Variants in DHX33 observed in about 807,000 individuals in gnomAD.
DHX33 encodes ATP-dependent RNA helicase DHX33.
In DHX33, 42 loss-of-function variants were observed where a neutral mutation model predicts 72.5. That is an observed-to-expected ratio of 0.58 (90% CI 0.45 to 0.75). DHX33 has a LOEUF of 0.75. Ranked by LOEUF, DHX33 falls within the 30% of genes least tolerant of loss-of-function variation. The pLI is 0.00. For synonymous variants in DHX33, 358 were observed against 366.1 expected, an observed-to-expected ratio of 0.98 and a Z score of 0.25; for missense variants, 842 against 917.5, an observed-to-expected ratio of 0.92 and a Z score of 1.06.
At chr17:5,450,542 A>G in intron 9 of DHX33, 136 bp from the exon 10 acceptor site, 2 of 1,003,488 alleles carry the variant, frequency 2.0e-6, no homozygotes, top group Non-Finnish European at 2.9e-6. Context: ...GGCGATGTAC[A>G]TTAGTGTTAT....
intron 1 of DHX33, among the ~76,000 whole-genome samples, chr17:5,467,450 AG>A (rs1904924345): frequency 6.6e-6 from 1 of 152,118 alleles, no homozygotes; most frequent in African/African-American, 2.4e-5. Flanking sequence ...ATCTTGGACA[AG>A]CCCCTCATTC....
In DHX33 at chr17:5,450,843, C is replaced by T; in HGVS notation, c.1488G>A (p.Lys496=). 1.2e-6 allele frequency: 2 copies of T among 1,614,184 alleles called. No individual in the cohort carries two copies. Among genetic ancestry groups the T allele is most frequent in the Non-Finnish European group, 1.7e-6 (2 of 1,180,030 alleles). ...TGGGTTCTAAAGGAAATGCTGCCAT[C>T]TTTCTTCCCATTGGAGTCAGGGTAA... is the stretch of plus-strand genomic sequence containing the variant. ...DQLTLTPMGR[K]MAAFPLEPKF... Residue 496 remains lysine (K), a synonymous_variant, in exon 9 of 12, where the codon AAG becomes AAA. Coordinates refer to ENST00000225296, the MANE Select transcript of DHX33 (RefSeq NM_020162.4).
At chr17:5,460,909 C>A in intron 4 of DHX33, 30 bp downstream of exon 4, 1 of 1,590,300 alleles carries the variant, frequency 6.3e-7, no homozygotes, top group Non-Finnish European at 8.6e-7. Flanking sequence ...TAAAAGAGAA[C>A]TTTTCAGGAA....
chr17:5,445,236 G>A lies in DHX33; in HGVS notation c.1816-723C>T, dbSNP rs565583152. Among the ~76,000 whole-genome samples, 13 of 152,180 alleles carry A rather than the reference G, an allele frequency of 8.5e-5. No homozygotes were observed. The East Asian group carries it at 2.3e-3, about 27-fold the overall frequency. ...TGGGATTACAGGCGCCTGCCACCAC[G>A]CCTGGCTAATTTTTGTATTTTTAGT... is the stretch of plus-strand genomic sequence containing the variant. On this transcript the variant is annotated intron_variant, in intron 11 of 11. Transcript: ENST00000225296.
In DHX33 at chr17:5,468,688, G is replaced by A; in HGVS notation, c.172C>T (p.Pro58Ser). ...GCTTCAGGGTAGGGACTGGCCGAGGGCTGGGCCAGGGGCGGCTGCTGCCTC... is the reference window on the plus strand; with the variant it reads ...GCTTCAGGGTAGGGACTGGCCGAGGACTGGGCCAGGGGCGGCTGCTGCCTC... ...GRRQQPPLAQ[P>S]SASPYPEAVE... is the part of the protein sequence containing the mutation. The change falls in exon 1 of 12, where the codon CCC becomes TCC. Residue 58 changes from proline (P) to serine (S), a missense_variant. Coordinates refer to ENST00000225296, the MANE Select transcript of DHX33 (RefSeq NM_020162.4). The A allele has an allele frequency of 6.2e-7, 1 of 1,612,176 alleles. No homozygotes were observed. The highest frequency in any genetic ancestry group is 8.5e-7 in the Non-Finnish European group (1 of 1,179,574).
Position 5,450,811 on chromosome 17 carries a change from G to A in DHX33, c.1520C>T (p.Ala507Val). The A allele has an allele frequency of 6.2e-7, 1 of 1,614,138 alleles. No individual in the cohort carries two copies. The highest frequency in any genetic ancestry group is 8.5e-7 in the Non-Finnish European group (1 of 1,180,026). The stretch of plus-strand genomic sequence containing the variant: ...TGAGGAGAGGGTATCATTTACTTTG[G>A]CAAATTTGGGTTCTAAAGGAAATGC... ...MAAFPLEPKF[A>V]KTILMSPKFH... Residue 507 changes from alanine to valine, a missense_variant, in exon 9 of 12, where the codon GCC becomes GTC. Transcript: ENST00000225296.
At chr17:5,455,019 G>A in intron 6 of DHX33, 141 bp downstream of exon 6, 2 of 724,950 alleles carry the variant, frequency 2.8e-6, no homozygotes, top group Non-Finnish European at 4.8e-6. Context: ...GACCTGGAGT[G>A]TAGGTGATCT....
At chr17:5,464,985 T>C (rs1473806085) in intron 1 of DHX33, among the ~76,000 whole-genome samples, 1 of 152,232 alleles carries the variant, frequency 6.6e-6, no homozygotes, top group African/African-American at 2.4e-5. Flanking sequence ...CTGACCATCC[T>C]GTGTTGTACA....
intron 1 of DHX33, among the ~76,000 whole-genome samples, chr17:5,465,149 T>C (rs929416988): frequency 2.0e-5 from 3 of 152,210 alleles, no homozygotes; most frequent in Non-Finnish European, 2.9e-5. Flanking sequence ...CCTTTAACAG[T>C]GCCTGATTAG....
chr17:5,461,034 C>G lies in DHX33; in HGVS notation c.754G>C (p.Glu252Gln). 6.2e-7 allele frequency: 1 copy of G among 1,613,414 alleles called. No individual in the cohort carries two copies. Among genetic ancestry groups the G allele is most frequent in the South Asian group, 1.1e-5 (1 of 90,966 alleles). ...ACCTGGATCGGATGCTGCCGACCCT[C>G]TAGGTAGAGGACGGGGGCGCCATTG... is the stretch of plus-strand genomic sequence containing the variant. The part of the protein sequence containing the change: ...YFNGAPVLYL[E>Q]GRQHPIQVFY... Residue 252 changes from glutamate to glutamine, a missense_variant, in exon 4 of 12, where the codon GAG becomes CAG. Transcript: ENST00000225296.
At chr17:5,450,461 G>T in intron 9 of DHX33, 55 bp from the exon 10 acceptor site, 1 of 1,571,176 alleles carries the variant, frequency 6.4e-7, no homozygotes, top group Non-Finnish European at 8.7e-7. Context: ...GCTTTAGAAT[G>T]CACTATTTCT....
chr17:5,461,118 G>T lies in DHX33; in HGVS notation c.679-9C>A. Reference sequence around the variant, plus strand: ...GCTGACATCACAATCACCTGCATAAGAGAACGAAGAGGAGGACCAGAAACA... The same window carrying T: ...GCTGACATCACAATCACCTGCATAATAGAACGAAGAGGAGGACCAGAAACA... On this transcript the variant is annotated splice_polypyrimidine_tract_variant and intron_variant, in intron 3 of 11. Coordinates refer to ENST00000225296, the MANE Select transcript of DHX33 (RefSeq NM_020162.4). The T allele has an allele frequency of 6.3e-7, 1 of 1,597,692 alleles. No homozygotes were observed. The highest frequency in any genetic ancestry group is 1.1e-5 in the South Asian group (1 of 90,234).
intron 5 of DHX33, 70 bp downstream of exon 5, chr17:5,455,927 G>A: frequency 1.3e-6 from 2 of 1,505,934 alleles, no homozygotes; most frequent in Non-Finnish European, 1.8e-6. Context: ...CTGGTAACAG[G>A]TACAGACCTC....
intron 1 of DHX33, among the ~76,000 whole-genome samples, chr17:5,467,393 C>A (rs1904920974): frequency 6.6e-6 from 1 of 152,176 alleles, no homozygotes; most frequent in Non-Finnish European, 1.5e-5. Context: ...CGTCCCTCCT[C>A]CTTTTTATAA....
intron 4 of DHX33, 84 bp from the exon 5 acceptor site, chr17:5,456,266 T>G: frequency 3.6e-6 from 5 of 1,401,126 alleles, no homozygotes; most frequent in Non-Finnish European, 5.0e-6. Flanking sequence ...TGATGATGTT[T>G]CCCAGAGTTA....
At chr17:5,446,132 G>A (rs894638674) in intron 11 of DHX33, among the ~76,000 whole-genome samples, 6 of 152,196 alleles carry the variant, frequency 3.9e-5, no homozygotes, top group African/African-American at 1.2e-4. Flanking sequence ...GCACCACCAC[G>A]CTCAGCTTAG....
chr17:5,460,015 C>CTT (rs747129450), intron 4 of DHX33, among the ~76,000 whole-genome samples: 9 of 131,544 alleles, frequency 6.8e-5, no homozygotes, highest in Admixed American at 7.6e-5. Context: ...GAAAAAGTAC[C>CTT]TTTTTTTTTT....
At chr17:5,461,484 T>A (rs904322172) in intron 3 of DHX33, 3 of 152,010 alleles carry the variant, frequency 2.0e-5, no homozygotes, top group African/African-American at 7.3e-5. Flanking sequence ...CCAGGTGCGG[T>A]GGTGGGCGCC....
At position 5,455,220 on chromosome 17, in the gene DHX33, T is replaced by C. The variant is rs1338110389; in HGVS notation, c.1087A>G (p.Ile363Val). ...TCAACTACATATTTTATTCCTGTAATGGTTATGGAGGTTTCAGCGATGTTG... is the reference window on the plus strand; with the variant it reads ...TCAACTACATATTTTATTCCTGTAACGGTTATGGAGGTTTCAGCGATGTTG... ...STNIAETSITITGIKYVVDTG... is the reference protein window; with the variant it reads ...STNIAETSITVTGIKYVVDTG... The change falls in exon 6 of 12, where the codon ATT becomes GTT. Residue 363 changes from isoleucine (I) to valine (V), a missense_variant. Physicochemically the swap from Ile to Val is conservative, Grantham distance 29 (BLOSUM62 3). Transcript: ENST00000225296. The C allele has an allele frequency of 6.2e-6, 10 of 1,614,202 alleles. No homozygotes were observed. The highest frequency in any genetic ancestry group is 1.1e-5 in the South Asian group (1 of 91,078).
Sources: allele counts gnomAD v4.1 joint callset (sites outside exome capture counted in the v4.1 genomes callset), GRCh38; gene constraint gnomAD v4.1.1; transcripts MANE v1.5; gene names NCBI Gene and HGNC (gene_info 2026-07-23, HGNC 2026-07-21).